Variants in LCP1 observed in about 807,000 individuals in gnomAD.
LCP1 encodes the protein lymphocyte cytosolic protein 1, also known as plastin-2.
Under a neutral mutation model 72.0 loss-of-function variants are expected in LCP1, and 23 were observed. The ratio of observed to expected loss-of-function variants is 0.32; its 90% CI spans 0.23 to 0.45. The LOEUF (loss-of-function observed/expected upper bound fraction) is 0.45. LCP1 is among the 20% of genes least tolerant of loss of function. The pLI is 1.00. For synonymous variants in LCP1, 245 were observed against 275.4 expected, an observed-to-expected ratio of 0.89 and a Z score of 1.09; for missense variants, 571 against 748.3, an observed-to-expected ratio of 0.76 and a Z score of 2.76.
intron 8 of LCP1, among the ~76,000 whole-genome samples, chr13:46,149,254 G>T (rs914128066): frequency 2.6e-5 from 4 of 152,162 alleles, no homozygotes; most frequent in Non-Finnish European, 5.9e-5. Context: ...GGTAGGTAAG[G>T]CCTGGGCAGA....
intron 5 of LCP1, 118 bp from the exon 6 acceptor site, chr13:46,155,004 G>T: frequency 1.3e-6 from 1 of 762,260 alleles, no homozygotes; most frequent in Non-Finnish European, 2.2e-6. Flanking sequence ...AATCTGTGAT[G>T]TTTAGATATA....
At chr13:46,137,982 C>A (rs528047657) in intron 13 of LCP1, among the ~76,000 whole-genome samples, 1 of 152,344 alleles carries the variant, frequency 6.6e-6, no homozygotes, top group African/African-American at 2.4e-5. Flanking sequence ...AAGGACCCAT[C>A]CTGACTTCAC....
At chr13:46,171,871 G>A (rs746637202) in intron 1 of LCP1, among the ~76,000 whole-genome samples, 1 of 152,240 alleles carries the variant, frequency 6.6e-6, no homozygotes, top group Non-Finnish European at 1.5e-5. Flanking sequence ...TGTCCTCAGG[G>A]TCAGCATCTG....
intron 9 of LCP1, among the ~76,000 whole-genome samples, chr13:46,147,876 C>T (rs1261201111): frequency 6.6e-6 from 1 of 152,116 alleles, no homozygotes; most frequent in African/African-American, 2.4e-5. Context: ...TAACGCTACA[C>T]ATTATGCATT....
chr13:46,178,335 A>G (rs1474370934), intron 1 of LCP1, among the ~76,000 whole-genome samples: 1 of 152,210 alleles, frequency 6.6e-6, no homozygotes, highest in Non-Finnish European at 1.5e-5. Context: ...GGGCAGACTG[A>G]TGTAAGCATT....
chr13:46,146,359 G>C (rs2045730925), intron 10 of LCP1, among the ~76,000 whole-genome samples: 1 of 152,236 alleles, frequency 6.6e-6, no homozygotes, highest in South Asian at 2.1e-4. Context: ...AACATCTCCA[G>C]CACCTCTACC....
At chr13:46,166,748 A>C (rs562684838) in intron 1 of LCP1, among the ~76,000 whole-genome samples, 68 of 152,324 alleles carry the variant, frequency 4.5e-4, no homozygotes, top group Admixed American at 5.9e-4. Context: ...AGCCATCAAG[A>C]TTAATCTATT....
In LCP1 at chr13:46,143,343, A is replaced by G; in HGVS notation, c.1315T>C (p.Trp439Arg). ...TATGGCGGTTTGTTTACTCTGTTCC[A>G]GTCAACAGGAACTTTGATCTTTTCA... ...LYEKIKVPVD[W>R]NRVNKPPYPK... The change falls in exon 12 of 16, where the codon TGG becomes CGG. Residue 439 changes from tryptophan to arginine, a missense_variant. Physicochemically the swap from Trp to Arg is moderately radical, Grantham distance 101. Coordinates refer to ENST00000323076, the MANE Select transcript of LCP1 (RefSeq NM_002298.5). The G allele has an allele frequency of 6.2e-7, 1 of 1,614,066 alleles. No homozygotes were observed. The highest frequency in any genetic ancestry group is 8.5e-7 in the Non-Finnish European group (1 of 1,179,948).
intron 1 of LCP1, among the ~76,000 whole-genome samples, chr13:46,181,738 C>G (rs948818371): frequency 6.6e-6 from 1 of 152,194 alleles, no homozygotes; most frequent in Non-Finnish European, 1.5e-5. Context: ...ATTATCAATA[C>G]GCGCTTTTCC....
intron 13 of LCP1, among the ~76,000 whole-genome samples, chr13:46,135,393 C>G (rs547390940): frequency 6.6e-6 from 1 of 152,148 alleles, no homozygotes; most frequent in African/African-American, 2.4e-5. Context: ...ATTCAGGTCA[C>G]CCTCCACTTG....
chr13:46,158,023 G>A (rs1054751171), intron 4 of LCP1, among the ~76,000 whole-genome samples: 3 of 152,088 alleles, frequency 2.0e-5, no homozygotes, highest in South Asian at 2.1e-4. Context: ...CACTGTGCCC[G>A]GCCTCATGAG....
chr13:46,130,078 A>G (rs1409437), intron 15 of LCP1, among the ~76,000 whole-genome samples: 55,840 of 152,106 alleles, frequency 0.37, 11,070 homozygotes, highest in East Asian at 0.55. Context: ...TCTAGCTCCT[A>G]TAACTGTGAG....
intron 1 of LCP1, among the ~76,000 whole-genome samples, chr13:46,172,385 G>A (rs1265909170): frequency 2.0e-5 from 3 of 152,100 alleles, no homozygotes; most frequent in Admixed American, 6.5e-5. Flanking sequence ...TCATGAGGCT[G>A]AGGCAGGAGA....
At position 46,130,948 on chromosome 13, in the gene LCP1, G is replaced by T; in HGVS notation, c.1627-10C>A. On this transcript the variant is annotated splice_polypyrimidine_tract_variant and intron_variant, in intron 14 of 15. Coordinates refer to ENST00000323076, the MANE Select transcript of LCP1 (RefSeq NM_002298.5). Reference sequence around the variant, plus strand: ...TACTAATCTTCGGGTCCTATGCAGAGACACAGGGAGGGTTTCATCAACGTG... The same window carrying T: ...TACTAATCTTCGGGTCCTATGCAGATACACAGGGAGGGTTTCATCAACGTG... The T allele has an allele frequency of 6.3e-7, 1 of 1,575,970 alleles. No individual in the cohort carries two copies. The highest frequency in any genetic ancestry group is 1.2e-5 in the South Asian group (1 of 83,670).
chr13:46,139,489 C>G (rs1374909338), intron 13 of LCP1, among the ~76,000 whole-genome samples: 2 of 152,366 alleles, frequency 1.3e-5, no homozygotes, highest in Admixed American at 6.5e-5. Context: ...CGAACCTTGT[C>G]TTTGCCATTA....
chr13:46,157,741 C>CTTTT (rs548259648), intron 4 of LCP1, among the ~76,000 whole-genome samples: 54 of 99,796 alleles, frequency 5.4e-4, no homozygotes, highest in East Asian at 1.5e-3. Context: ...CATGACTTAT[C>CTTTT]TTTTTTTTTT....
In LCP1 at chr13:46,127,394, A is replaced by T. The variant is rs1447665185; in HGVS notation, c.*197T>A. The T allele has an allele frequency of 1.3e-5, 7 of 553,780 alleles. No homozygotes were observed. Among genetic ancestry groups the T allele is most frequent in the Non-Finnish European group, 2.2e-5 (7 of 315,918 alleles). The allele number at this position is 553,780 out of a possible 1,614,324, so 34.3% of individuals were successfully genotyped here. A position where few individuals can be genotyped will look rare whatever the true frequency, so the allele number is the denominator to read the frequency against. On this transcript the variant is annotated 3_prime_UTR_variant, in exon 16 of 16. Coordinates refer to ENST00000323076, the MANE Select transcript of LCP1 (RefSeq NM_002298.5). Reference sequence around the variant, plus strand: ...TCAAGAATAGAAACCTATATATAGGAGGTTGGGCCTCCTGCAAAGAATGAA... The same window carrying T: ...TCAAGAATAGAAACCTATATATAGGTGGTTGGGCCTCCTGCAAAGAATGAA...
chr13:46,138,951 AG>A, intron 13 of LCP1, among the ~76,000 whole-genome samples: 1 of 152,234 alleles, frequency 6.6e-6, no homozygotes, highest in East Asian at 1.9e-4. Flanking sequence ...CGCTGGCTTG[AG>A]CTTTTTAATC....
At chr13:46,150,819 C>T in intron 8 of LCP1, 117 bp downstream of exon 8, 11 of 1,179,630 alleles carry the variant, frequency 9.3e-6, no homozygotes, top group Non-Finnish European at 1.3e-5. Flanking sequence ...AAAACAGCAC[C>T]AGACTACCCT....
Sources: allele counts gnomAD v4.1 joint callset (sites outside exome capture counted in the v4.1 genomes callset), GRCh38; gene constraint gnomAD v4.1.1; transcripts MANE v1.5; gene names NCBI Gene and HGNC (gene_info 2026-07-23, HGNC 2026-07-21).